CDH23: variants seen among roughly 807,000 people sequenced by gnomAD.
The protein encoded by CDH23 is cadherin-23.
Under a neutral mutation model 317.1 loss-of-function variants are expected in CDH23, and 189 were observed. The ratio of observed to expected loss-of-function variants is 0.60; its 90% confidence interval spans 0.53 to 0.67. The LOEUF (loss-of-function observed/expected upper bound fraction) is 0.67. Ranked by LOEUF, CDH23 falls within the 30% of genes least tolerant of loss-of-function variation. The pLI is 0.00. For missense variants in CDH23, 4,401 were observed against 4,592.4 expected (o/e 0.96, Z 1.20); for synonymous variants, 1,839 against 1,876.8 (o/e 0.98, Z 0.52).
intron 14 of CDH23, among the ~76,000 whole-genome samples, chr10:71,672,668 C>G (rs925918299): frequency 1.3e-5 from 2 of 152,174 alleles, no homozygotes. Flanking sequence ...GCAGGGGAGG[C>G]CAAGCCTTGC....
At chr10:71,620,673 C>T (rs1420355616) in intron 11 of CDH23, among the ~76,000 whole-genome samples, 1 of 152,202 alleles carries the variant, frequency 6.6e-6, no homozygotes, top group East Asian at 1.9e-4. Flanking sequence ...GGGAGCTGGT[C>T]AGTGTCTCTG....
intron 38 of CDH23, chr10:71,755,336 C>T (rs760439224): frequency 6.3e-7 from 1 of 1,599,740 alleles, no homozygotes; most frequent in South Asian, 1.1e-5. Flanking sequence ...GTCCACCCAC[C>T]CCAGGCAGGG....
chr10:71,729,520 G>A (rs750491224), intron 30 of CDH23, among the ~76,000 whole-genome samples: 13 of 152,154 alleles, frequency 8.5e-5, no homozygotes, highest in African/African-American at 2.9e-4. Context: ...CCTAGGGGAC[G>A]GAAGTTCCCA....
At chr10:71,526,078 G>T (rs970088161) in intron 6 of CDH23, among the ~76,000 whole-genome samples, 3 of 152,228 alleles carry the variant, frequency 2.0e-5, no homozygotes, top group African/African-American at 7.2e-5. Context: ...ACCAGCAAAA[G>T]CTCGGCCCTC....
chr10:71,782,544 A>G (rs1366662461), intron 41 of CDH23, among the ~76,000 whole-genome samples: 1 of 152,196 alleles, frequency 6.6e-6, no homozygotes, highest in Non-Finnish European at 1.5e-5. Flanking sequence ...GGAGTTGTGG[A>G]GGGATGGGGA....
In CDH23 at chr10:71,615,603, T is replaced by C. The variant is rs1414808063; in HGVS notation, c.932T>C (p.Ile311Thr). ...AACCCCCTGTACAGCCATGGCTTCA[T>C]CCTGACTGTGAAGGTGAGACCTGGG... is the stretch of plus-strand genomic sequence containing the variant. ...RENPLYSHGF[I>T]LTVKGTELND... is the part of the protein sequence containing the mutation. Residue 311 changes from isoleucine (I) to threonine (T), a missense_variant, in exon 10 of 70, where the codon ATC becomes ACC. By Grantham distance (89) the Ile-to-Thr change is moderately conservative. Coordinates refer to ENST00000224721, the MANE Select transcript of CDH23 (RefSeq NM_022124.6). 6.2e-7 allele frequency: 1 copy of C among 1,613,356 alleles called. No homozygotes were observed. Among genetic ancestry groups the C allele is most frequent in the Non-Finnish European group, 8.5e-7 (1 of 1,179,446 alleles).
intron 16 of CDH23, among the ~76,000 whole-genome samples, 178 bp downstream of exon 16, chr10:71,677,871 T>C (rs1335442774): frequency 6.6e-6 from 1 of 152,198 alleles, no homozygotes; most frequent in African/African-American, 2.4e-5. Context: ...GCTCAAGCAA[T>C]CCTCCTGTCT....
At chr10:71,593,971 T>TG (rs1656799706) in intron 9 of CDH23, among the ~76,000 whole-genome samples, 3 of 152,308 alleles carry the variant, frequency 2.0e-5, no homozygotes, top group African/African-American at 7.2e-5. Flanking sequence ...TGGTAACCCA[T>TG]GCCTGCAGTC....
chr10:71,570,154 C>A (rs888210421), intron 7 of CDH23, among the ~76,000 whole-genome samples: 2 of 152,060 alleles, frequency 1.3e-5, no homozygotes, highest in African/African-American at 4.8e-5. Context: ...TTCTCGGAGT[C>A]CCCCAGATGT....
At chr10:71,674,702 T>G (rs1048198846) in intron 14 of CDH23, among the ~76,000 whole-genome samples, 1 of 152,206 alleles carries the variant, frequency 6.6e-6, no homozygotes, top group Non-Finnish European at 1.5e-5. Context: ...TTGCATGGAT[T>G]ATGTGTTTCA....
intron 11 of CDH23, among the ~76,000 whole-genome samples, chr10:71,642,903 C>T (rs1862630042): frequency 6.6e-6 from 1 of 152,234 alleles, no homozygotes; most frequent in South Asian, 2.1e-4. Context: ...GGAATCTTCA[C>T]CACCTGAGGC....
chr10:71,730,117 G>A (rs111392048), intron 30 of CDH23, among the ~76,000 whole-genome samples: 6,426 of 152,224 alleles, frequency 0.042, 451 homozygotes, highest in African/African-American at 0.15. Context: ...GATTACAGGC[G>A]TGAGCCACCG....
At chr10:71,570,211 T>C (rs190728013) in intron 7 of CDH23, among the ~76,000 whole-genome samples, 116 of 152,278 alleles carry the variant, frequency 7.6e-4, no homozygotes, top group African/African-American at 2.7e-3. Flanking sequence ...GAAAAGTCAC[T>C]GAACCAGTAA....
chr10:71,803,112 G>T (rs1411389699), intron 54 of CDH23, 37 bp downstream of exon 54: 1 of 1,601,810 alleles, frequency 6.2e-7, no homozygotes, highest in South Asian at 1.1e-5. Context: ...GATGTCTTGG[G>T]GGGTGGGAGG....
intron 3 of CDH23, among the ~76,000 whole-genome samples, chr10:71,466,877 T>G (rs10823761): frequency 0.38 from 56,878 of 150,638 alleles, 12,406 homozygotes; most frequent in East Asian, 0.6. Flanking sequence ...GCATGAGGGG[T>G]GTGTGTGTGT....
chr10:71,724,618 C>CG (rs1288808155), intron 29 of CDH23, among the ~76,000 whole-genome samples: 1 of 152,152 alleles, frequency 6.6e-6, no homozygotes, highest in Middle Eastern at 3.2e-3. Flanking sequence ...TTTTGATTGC[C>CG]GTGTTCCTGA....
chr10:71,420,410 A>ATGATGG (rs1848704432), intron 1 of CDH23, among the ~76,000 whole-genome samples: 1 of 13,486 alleles, frequency 7.4e-5, no homozygotes, highest in Admixed American at 8.8e-4. Flanking sequence ...GATGGTGATG[A>ATGATGG]TGATGGTGAT....
intron 11 of CDH23, among the ~76,000 whole-genome samples, chr10:71,640,502 C>A (rs1286118996): frequency 3.9e-5 from 6 of 152,232 alleles, no homozygotes; most frequent in African/African-American, 1.4e-4. Context: ...GTAATCCCAG[C>A]ACTTTGGGAG....
At chr10:71,782,051 G>T (rs1182845023) in intron 41 of CDH23, among the ~76,000 whole-genome samples, 1 of 152,202 alleles carries the variant, frequency 6.6e-6, no homozygotes, top group Non-Finnish European at 1.5e-5. Flanking sequence ...CCAGCTTAAA[G>T]GTCACCTTCC....
Sources: allele counts gnomAD v4.1 joint callset (sites outside exome capture counted in the v4.1 genomes callset), GRCh38; gene constraint gnomAD v4.1.1; transcripts MANE v1.5; gene names NCBI Gene and HGNC (gene_info 2026-07-23, HGNC 2026-07-21).